Variants in RPTOR observed in about 807,000 individuals in gnomAD.
RPTOR encodes regulatory-associated protein of mTOR.
RPTOR carries 21 observed loss-of-function variants against 169.9 expected under a neutral mutation model. The observed-to-expected ratio is 0.12, with a 90% CI of 0.09 to 0.18. The LOEUF is 0.18. Among genes scored for constraint, RPTOR ranks in the 10% least tolerant of loss-of-function variants. The pLI, the probability that RPTOR is intolerant of heterozygous loss-of-function variation, is 1.00. For synonymous variants in RPTOR, 732 were observed against 753.2 expected, an observed-to-expected ratio of 0.97 and a Z score of 0.46; for missense variants, 1,133 against 1,855.9, an observed-to-expected ratio of 0.61 and a Z score of 7.16.
At chr17:80,913,269 C>T (rs1427507567) in intron 21 of RPTOR, among the ~76,000 whole-genome samples, 1 of 152,064 alleles carries the variant, frequency 6.6e-6, no homozygotes, top group Admixed American at 6.6e-5. Flanking sequence ...CTATGGAATG[C>T]CCTGTAGAAT....
chr17:80,568,562 G>A (rs2064870062), intron 1 of RPTOR, among the ~76,000 whole-genome samples: 1 of 152,092 alleles, frequency 6.6e-6, no homozygotes, highest in African/African-American at 2.4e-5. Context: ...TTTGTGATTA[G>A]CCTGCTTATG....
rs944803196 is a variant in RPTOR, at chr17:80,860,467, G to A, written c.1509+2567G>A. Reference sequence around the variant, plus strand: ...TCAGGTCCCCAACTGTGCTGCCCACGGACCCCTGGGCCCCTGCTCAGCCCT... The same window carrying A: ...TCAGGTCCCCAACTGTGCTGCCCACAGACCCCTGGGCCCCTGCTCAGCCCT... On this transcript the variant is annotated intron_variant, in intron 13 of 33. Transcript: ENST00000306801. This position sits in a 1 kb window ranked among gnomAD's most constrained non-coding sequence, Gnocchi z 5.8. Among the ~76,000 whole-genome samples, 5 of 151,830 alleles carry A rather than the reference G, an allele frequency of 3.3e-5. No individual in the cohort carries two copies. The highest frequency in any genetic ancestry group is 9.7e-5 in the African/African-American group (4 of 41,366).
At chr17:80,914,739 G>A (rs2068652899) in intron 21 of RPTOR, among the ~76,000 whole-genome samples, 1 of 152,242 alleles carries the variant, frequency 6.6e-6, no homozygotes, top group Non-Finnish European at 1.5e-5. Flanking sequence ...GGCTGAGGGT[G>A]GGGACTGAGG....
At chr17:80,654,716 T>G (rs2065667064) in intron 3 of RPTOR, among the ~76,000 whole-genome samples, 1 of 152,226 alleles carries the variant, frequency 6.6e-6, no homozygotes, top group Non-Finnish European at 1.5e-5. Flanking sequence ...TTTTTAATTA[T>G]AAGTTTTATT....
At chr17:80,594,162 C>G (rs918485379) in intron 1 of RPTOR, among the ~76,000 whole-genome samples, 1 of 152,136 alleles carries the variant, frequency 6.6e-6, no homozygotes, top group South Asian at 2.1e-4. Flanking sequence ...GGTGCGATCT[C>G]GGCTCACCAC....
chr17:80,904,457 A>G (rs2068516004), intron 20 of RPTOR, among the ~76,000 whole-genome samples: 2 of 152,206 alleles, frequency 1.3e-5, no homozygotes, highest in Admixed American at 1.3e-4. Flanking sequence ...AGAGTCAGCC[A>G]GAGCTCTGAG....
chr17:80,734,217 C>T (rs1356957905), intron 5 of RPTOR, among the ~76,000 whole-genome samples: 1 of 152,208 alleles, frequency 6.6e-6, no homozygotes, highest in African/African-American at 2.4e-5. Context: ...CCACTTCCTC[C>T]ACTGATAGAT....
chr17:80,703,313 C>T (rs564588101), intron 3 of RPTOR, among the ~76,000 whole-genome samples: 172 of 152,266 alleles, frequency 1.1e-3, no homozygotes, highest in Non-Finnish European at 2.1e-3. Flanking sequence ...CCCATGACTC[C>T]GGAAGTCTTT....
Position 80,959,958 on chromosome 17 carries a change from A to G in RPTOR, c.3478-120A>G, listed in dbSNP as rs553194353. ...CCTGGATAGAGAGAAAGGCCCCTGC[A>G]GCCAGGGAGGGTGATCCCCACAGCC... On this transcript the variant is annotated intron_variant, in intron 29 of 33. Transcript: ENST00000306801. The surrounding 1 kb of genome is among the most constrained non-coding windows in gnomAD (Gnocchi z 6.7). 2.4e-6 allele frequency: 3 copies of G among 1,252,888 alleles called. No individual in the cohort carries two copies. Among genetic ancestry groups the G allele is most frequent in the Admixed American group, 1.9e-5 (1 of 52,314 alleles). 77.6% of individuals were successfully genotyped at this position (1,252,888 alleles called of 1,614,324 possible).
Position 80,659,977 on chromosome 17 carries a change from G to T in RPTOR, c.348+16167G>T, listed in dbSNP as rs2065709260. Among the ~76,000 whole-genome samples, 1 of 151,338 alleles carries T rather than the reference G, an allele frequency of 6.6e-6. No homozygotes were observed. On this transcript the variant is annotated intron_variant, in intron 3 of 33. Transcript: ENST00000306801. The surrounding 1 kb of genome is among the most constrained non-coding windows in gnomAD (Gnocchi z 4.3). ...GTAATATTCTTTTGTGTATATATAA[G>T]AATTTAAATGAGGCCGGGCGTGGTG...
intron 7 of RPTOR, among the ~76,000 whole-genome samples, chr17:80,818,458 G>A (rs2067346069): frequency 1.3e-5 from 2 of 152,128 alleles, no homozygotes; most frequent in Admixed American, 6.5e-5. Flanking sequence ...GTGGCCTCCC[G>A]AGTTGGGCAA....
At chr17:80,796,639 CAG>C (rs1490266934) in intron 7 of RPTOR, among the ~76,000 whole-genome samples, 1 of 152,250 alleles carries the variant, frequency 6.6e-6, no homozygotes, top group Non-Finnish European at 1.5e-5. Flanking sequence ...GGTAGAGACA[CAG>C]AGCCAAACCA....
rs941820058 is a variant in RPTOR, at chr17:80,659,137, C to A, written c.348+15327C>A. On this transcript the variant is annotated intron_variant, in intron 3 of 33. Transcript: ENST00000306801. The surrounding 1 kb of genome is among the most constrained non-coding windows in gnomAD (Gnocchi z 4.3). Reference sequence around the variant, plus strand: ...ATGGTGGTGGCAGCATCACGTCCTGCAGGCTGGAGCCCATGAGTGGTCCCC... The same window carrying A: ...ATGGTGGTGGCAGCATCACGTCCTGAAGGCTGGAGCCCATGAGTGGTCCCC... Among the ~76,000 whole-genome samples the A allele has an allele frequency of 1.3e-4, 20 of 152,318 alleles. No individual in the cohort carries two copies. The highest frequency in any genetic ancestry group is 2.8e-4 in the Non-Finnish European group (19 of 68,026).
rs550470914 is a variant in RPTOR, at chr17:80,623,538, T to C, written c.163-2153T>C. The stretch of plus-strand genomic sequence containing the variant: ...CTTAAATATTTATCGTTTTCTTTTT[T>C]CTTTTTATTTTTTTTGAGATGGAGT... On this transcript the variant is annotated intron_variant, in intron 1 of 33. Coordinates refer to ENST00000306801, the MANE Select transcript of RPTOR (RefSeq NM_020761.3). 7.2e-5 allele frequency among the ~76,000 whole-genome samples: 11 copies of C among 152,288 alleles called. No homozygotes were observed. The East Asian group carries it at 2.1e-3, about 29-fold the overall frequency.
At chr17:80,677,092 C>T (rs2065866524) in intron 3 of RPTOR, among the ~76,000 whole-genome samples, 1 of 152,152 alleles carries the variant, frequency 6.6e-6, no homozygotes, top group Admixed American at 6.5e-5. Context: ...TTGCATTATG[C>T]CATGTTGTTC....
intron 13 of RPTOR, among the ~76,000 whole-genome samples, chr17:80,876,291 C>T (rs370137211): frequency 0.011 from 333 of 30,096 alleles, 58 homozygotes; most frequent in East Asian, 0.025. Flanking sequence ...TGTCGCCTGC[C>T]GGGTCTTCAC....
At chr17:80,800,143 G>C (rs1292394725) in intron 7 of RPTOR, among the ~76,000 whole-genome samples, 1 of 152,190 alleles carries the variant, frequency 6.6e-6, no homozygotes, top group Non-Finnish European at 1.5e-5. Flanking sequence ...GGAAGGCTTG[G>C]CTTTTGCGAC....
chr17:80,570,673 C>T (rs895819272), intron 1 of RPTOR, among the ~76,000 whole-genome samples: 4 of 152,098 alleles, frequency 2.6e-5, no homozygotes, highest in Non-Finnish European at 5.9e-5. Flanking sequence ...GTTGGCCAGG[C>T]TGGTCTCAAA....
At chr17:80,743,355 A>G (rs59252837) in intron 5 of RPTOR, 115,162 of 985,386 alleles carry the variant, frequency 0.12, 8,014 homozygotes, top group African/African-American at 0.3. Flanking sequence ...AGAAGCCACA[A>G]GGACCGAGGG....
Sources: gnomAD v4.1 joint callset for allele counts (sites outside exome capture counted in the v4.1 genomes callset) on GRCh38, gnomAD v4.1.1 for gene constraint, Gnocchi (gnomAD v3.1) non-coding constraint, MANE v1.5 for transcripts, NCBI Gene and HGNC (gene_info 2026-07-23, HGNC 2026-07-21) for gene names.